The following NEK1 variants were observed in gnomAD, a reference collection of about 807,000 sequenced individuals.
NEK1 encodes the protein serine/threonine-protein kinase Nek1.
A neutral mutation model predicts 182.1 loss-of-function variants in NEK1; 137 were observed. That is an observed-to-expected ratio of 0.75 (90% CI 0.65 to 0.87). The LOEUF (loss-of-function observed/expected upper bound fraction) is 0.87. NEK1 is among the 40% of genes least tolerant of loss of function. NEK1 has a pLI of 0.00. For missense variants in NEK1, 1,391 were observed against 1,494.4 expected (o/e 0.93, Z 1.14); for synonymous variants, 513 against 492.2 (o/e 1.04, Z -0.56).
At chr4:169,549,637 A>G (rs1561394332) in intron 18 of NEK1, among the ~76,000 whole-genome samples, 1 of 152,040 alleles carries the variant, frequency 6.6e-6, no homozygotes, top group Admixed American at 6.6e-5. Context: ...TGGCCAGGCT[A>G]GTCTTGAACT....
intron 26 of NEK1, among the ~76,000 whole-genome samples, chr4:169,474,387 T>C (rs184612157): frequency 6.6e-6 from 1 of 152,354 alleles, no homozygotes; most frequent in African/African-American, 2.4e-5. Flanking sequence ...AGTCTCTTTT[T>C]ACACAAGGTT....
rs146580923 is a variant in NEK1, at chr4:169,488,968, G to A, written c.2008-9434C>T. 7.2e-5 allele frequency among the ~76,000 whole-genome samples: 11 copies of A among 152,132 alleles called. No homozygotes were observed. In the East Asian group the frequency reaches 1.9e-3, roughly 27 times the overall value. ...TAGAGAATATGCCCTTCATCTAGAC[G>A]AGGAAATAAAGGCCACAAACATTAA... On this transcript the variant is annotated intron_variant, in intron 23 of 35. Coordinates refer to ENST00000507142, the MANE Select transcript of NEK1 (RefSeq NM_001199397.3).
intron 31 of NEK1, among the ~76,000 whole-genome samples, chr4:169,417,604 T>C (rs1734765922): frequency 6.6e-6 from 1 of 152,192 alleles, no homozygotes; most frequent in African/African-American, 2.4e-5. Flanking sequence ...GTCAGATTAC[T>C]TGGGAAGCAA....
chr4:169,434,600 C>T (rs776675058), intron 28 of NEK1, among the ~76,000 whole-genome samples: 8 of 152,088 alleles, frequency 5.3e-5, no homozygotes, highest in African/African-American at 9.7e-5. Context: ...AAGTGAACAG[C>T]GATGAGGAGA....
At chr4:169,447,438 A>G (rs190316884) in intron 27 of NEK1, among the ~76,000 whole-genome samples, 1 of 152,348 alleles carries the variant, frequency 6.6e-6, no homozygotes, top group Non-Finnish European at 1.5e-5. Flanking sequence ...AAAGAATAGG[A>G]CAATAATGAG....
chr4:169,395,331 C>T (rs1167385320), intron 35 of NEK1, among the ~76,000 whole-genome samples: 1 of 152,148 alleles, frequency 6.6e-6, no homozygotes, highest in Non-Finnish European at 1.5e-5. Flanking sequence ...ATGATCTGGC[C>T]TTTTAAATAT....
intron 27 of NEK1, among the ~76,000 whole-genome samples, chr4:169,459,894 T>C (rs1743635468): frequency 6.6e-6 from 1 of 152,020 alleles, no homozygotes; most frequent in Non-Finnish European, 1.5e-5. Context: ...AGGGATAATA[T>C]AAGCAGAGCA....
chr4:169,445,223 G>A (rs917326491), intron 27 of NEK1, among the ~76,000 whole-genome samples: 61 of 151,852 alleles, frequency 4.0e-4, no homozygotes, highest in African/African-American at 6.8e-4. Context: ...GTTAGAGATC[G>A]GCCTGGGCAA....
intron 18 of NEK1, among the ~76,000 whole-genome samples, chr4:169,548,916 G>T (rs983135341): frequency 6.6e-6 from 1 of 152,226 alleles, no homozygotes; most frequent in Non-Finnish European, 1.5e-5. Context: ...CTGTGGGGGT[G>T]GGACCCACCA....
chr4:169,550,912 C>T (rs1195848979), intron 18 of NEK1, among the ~76,000 whole-genome samples: 1 of 152,112 alleles, frequency 6.6e-6, no homozygotes, highest in Non-Finnish European at 1.5e-5. Flanking sequence ...ATGCCCATGC[C>T]CATGAATGAC....
Position 169,400,537 on chromosome 4 carries a change from A to G in NEK1, c.3698T>C (p.Val1233Ala). The change falls in exon 34 of 36, where the codon GTT (valine) becomes GCT (alanine). Residue 1233 changes from valine (V) to alanine (A), a missense_variant. By Grantham distance (64) the Val-to-Ala change is moderately conservative. Coordinates refer to ENST00000507142, the MANE Select transcript of NEK1 (RefSeq NM_001199397.3). ...TTCACTTACCTTTATTTTCTCATAA[A>G]CCTCAAAGAATTTTTCAAAGCCCAT... ...QEMGFEKFFE[V>A]YEKIKAIHED... 1 of 1,601,892 alleles carries G rather than the reference A, an allele frequency of 6.2e-7. No individual in the cohort carries two copies. The highest frequency in any genetic ancestry group is 8.5e-7 in the Non-Finnish European group (1 of 1,175,950).
rs191449455 is a variant in NEK1 at position 169,455,001 on chromosome 4, G to C, written c.2587+8242C>G. On this transcript the variant is annotated intron_variant, in intron 27 of 35. Transcript: ENST00000507142. ...ACCATGGAATACTACGCAGCCATAAGAAAGGATGAGTTCATGTCCTTTGCA... is the reference window on the plus strand; with the variant it reads ...ACCATGGAATACTACGCAGCCATAACAAAGGATGAGTTCATGTCCTTTGCA... Among the ~76,000 whole-genome samples the C allele has an allele frequency of 6.6e-5, 10 of 152,270 alleles. No homozygotes were observed. In the East Asian group the frequency reaches 1.9e-3, roughly 29 times the overall value.
chr4:169,534,086 T>C (rs1331637343), intron 19 of NEK1, among the ~76,000 whole-genome samples: 1 of 152,204 alleles, frequency 6.6e-6, no homozygotes, highest in African/African-American at 2.4e-5. Flanking sequence ...AGCAGAACCT[T>C]TAAAGTTCTA....
At position 169,603,805 on chromosome 4, in the gene NEK1, C is replaced by T. The variant is rs548496769; in HGVS notation, c.-48-1127G>A. Among the ~76,000 whole-genome samples the T allele has an allele frequency of 4.0e-5, 6 of 150,984 alleles. 1 individual carries two copies. In the South Asian group the frequency reaches 1.3e-3, roughly 32 times the overall value. Reference sequence around the variant, plus strand: ...ACTGCAATCTCCACCTTCCAGGTTCCAGCGATTCCCCTGCCTCAGCCTCCC... The same window carrying T: ...ACTGCAATCTCCACCTTCCAGGTTCTAGCGATTCCCCTGCCTCAGCCTCCC... On this transcript the variant is annotated intron_variant, in intron 2 of 35. Transcript: ENST00000507142.
chr4:169,436,175 A>G (rs1336931736), intron 28 of NEK1, among the ~76,000 whole-genome samples: 1 of 152,220 alleles, frequency 6.6e-6, no homozygotes, highest in Non-Finnish European at 1.5e-5. Context: ...AAGTGCCGGG[A>G]TTACAGGTGT....
chr4:169,555,759 T>C lies in NEK1; in HGVS notation c.1523A>G (p.Lys508Arg). The C allele has an allele frequency of 1.2e-6, 2 of 1,613,872 alleles. No homozygotes were observed. The highest frequency in any genetic ancestry group is 4.5e-5 in the East Asian group (2 of 44,882). The part of the protein sequence containing the change: ...PDADDIRKTL[K>R]RLKAVSKQAN... ...TTGTTTAGACACCGCCTTCAATCTT[T>C]TCAAAGTTTTTCTAATATCATCAGC... The change falls in exon 18 of 36, where the codon AAA (lysine) becomes AGA (arginine). Residue 508 changes from lysine to arginine, a missense_variant. Around this residue, in one of 5 missense-constraint regions of NEK1, gnomAD observed 1,216 missense variants for 1,277.6 expected, o/e 0.95. Coordinates refer to ENST00000507142, the MANE Select transcript of NEK1 (RefSeq NM_001199397.3).
rs1730366953 is a variant in NEK1, at chr4:169,394,460, C to T, written c.*50G>A. 8.3e-7 allele frequency: 1 copy of T among 1,203,268 alleles called. No individual in the cohort carries two copies. Among genetic ancestry groups the T allele is most frequent in the Non-Finnish European group, 1.2e-6 (1 of 834,654 alleles). 74.5% of individuals were successfully genotyped at this position (1,203,268 alleles called of 1,614,324 possible). A position where few individuals can be genotyped will look rare whatever the true frequency, so the allele number is the denominator to read the frequency against. On this transcript the variant is annotated 3_prime_UTR_variant, in exon 36 of 36. Coordinates refer to ENST00000507142, the MANE Select transcript of NEK1 (RefSeq NM_001199397.3). ...CACTGAAGCTTGTTATTCTGATAAG[C>T]CAAATTCAAATGCTTTCATATAGTT...
At chr4:169,435,138 G>A (rs1277917988) in intron 28 of NEK1, among the ~76,000 whole-genome samples, 2 of 152,150 alleles carry the variant, frequency 1.3e-5, no homozygotes, top group African/African-American at 4.8e-5. Flanking sequence ...TCAGAGTTCT[G>A]GAGGCTGAAG....
chr4:169,422,628 T>G (rs985953431), intron 31 of NEK1, among the ~76,000 whole-genome samples: 3 of 152,242 alleles, frequency 2.0e-5, no homozygotes, highest in African/African-American at 7.2e-5. Context: ...GGTTTTGTGT[T>G]CTTTTCCTAA....
Sources: gnomAD v4.1 joint callset for allele counts (sites outside exome capture counted in the v4.1 genomes callset) on GRCh38, gnomAD v4.1.1 for gene constraint, gnomAD v4.1.1 regional missense constraint, MANE v1.5 for transcripts, NCBI Gene and HGNC (gene_info 2026-07-23, HGNC 2026-07-21) for gene names.